Variants in CNTNAP2 observed in about 807,000 individuals in gnomAD.
CNTNAP2 encodes the protein contactin-associated protein-like 2.
A neutral mutation model predicts 155.2 loss-of-function variants in CNTNAP2; 98 were observed. The observed-to-expected ratio is 0.63, with a 90% confidence interval of 0.54 to 0.75. CNTNAP2 has a LOEUF of 0.75. Ranked by LOEUF, CNTNAP2 falls within the 30% of genes least tolerant of loss-of-function variation. CNTNAP2 has a pLI of 0.00. For missense variants in CNTNAP2, 1,727 were observed against 1,688.1 expected, an observed-to-expected ratio of 1.02 and a Z score of -0.40; for synonymous variants, 651 against 631.2, an observed-to-expected ratio of 1.03 and a Z score of -0.47.
intron 13 of CNTNAP2, among the ~76,000 whole-genome samples, chr7:147,662,878 A>G (rs546183627): frequency 6.6e-6 from 1 of 152,230 alleles, no homozygotes; most frequent in South Asian, 2.1e-4. Context: ...TATAACTCCA[A>G]TTTTTTTATT....
At chr7:148,336,374 AAT>A (rs1318339582) in intron 21 of CNTNAP2, among the ~76,000 whole-genome samples, 3 of 152,166 alleles carry the variant, frequency 2.0e-5, no homozygotes, top group African/African-American at 7.2e-5. Flanking sequence ...GAAGGCTGAA[AAT>A]ATATAGCAGT....
intron 5 of CNTNAP2, among the ~76,000 whole-genome samples, chr7:147,114,809 A>G (rs898260677): frequency 1.7e-4 from 26 of 152,090 alleles, no homozygotes; most frequent in African/African-American, 5.3e-4. Flanking sequence ...ACCCATTTAC[A>G]TTTAAGGTTA....
At chr7:148,226,398 A>G (rs1370614294) in intron 19 of CNTNAP2, among the ~76,000 whole-genome samples, 1 of 152,034 alleles carries the variant, frequency 6.6e-6, no homozygotes, top group Non-Finnish European at 1.5e-5. Flanking sequence ...TCAGACAACC[A>G]TCAGGTGATG....
intron 1 of CNTNAP2, among the ~76,000 whole-genome samples, chr7:146,579,879 C>T (rs1252339328): frequency 6.6e-6 from 1 of 151,974 alleles, no homozygotes; most frequent in Non-Finnish European, 1.5e-5. Context: ...CAGAGAATAA[C>T]CCCTTTCACT....
chr7:146,169,700 T>C (rs1798361730), intron 1 of CNTNAP2, among the ~76,000 whole-genome samples: 1 of 151,790 alleles, frequency 6.6e-6, no homozygotes, highest in Non-Finnish European at 1.5e-5. Flanking sequence ...ATTTCACGTA[T>C]CAGTGAAATC....
intron 10 of CNTNAP2, among the ~76,000 whole-genome samples, chr7:147,461,895 A>T (rs1212261662): frequency 6.6e-6 from 1 of 152,258 alleles, no homozygotes; most frequent in East Asian, 1.9e-4. Context: ...GAGTTAACTT[A>T]TAAGAATGTG....
At chr7:147,555,006 G>A (rs796178926) in intron 11 of CNTNAP2, among the ~76,000 whole-genome samples, 8 of 152,242 alleles carry the variant, frequency 5.3e-5, no homozygotes, top group African/African-American at 1.7e-4. Context: ...GGTCATTGCC[G>A]CCTCTCTGGA....
At chr7:146,338,625 G>A (rs1171845205) in intron 1 of CNTNAP2, among the ~76,000 whole-genome samples, 1 of 152,008 alleles carries the variant, frequency 6.6e-6, no homozygotes, top group African/African-American at 2.4e-5. Context: ...ACCCACTCAT[G>A]GCTCAACATT....
At chr7:146,893,209 A>G (rs1414093930) in intron 3 of CNTNAP2, among the ~76,000 whole-genome samples, 2 of 151,922 alleles carry the variant, frequency 1.3e-5, no homozygotes, top group Non-Finnish European at 2.9e-5. Flanking sequence ...GAGCTATTTC[A>G]TTTTTTCCTA....
At chr7:146,432,983 G>C (rs988622968) in intron 1 of CNTNAP2, among the ~76,000 whole-genome samples, 3 of 152,122 alleles carry the variant, frequency 2.0e-5, no homozygotes, top group African/African-American at 7.2e-5. Context: ...AGAGACTCGA[G>C]CTAATGAAAA....
intron 20 of CNTNAP2, among the ~76,000 whole-genome samples, chr7:148,261,789 T>A (rs4640984): frequency 0.76 from 115,571 of 151,950 alleles, 44,057 homozygotes; most frequent in South Asian, 0.88. Context: ...TCACAGAGGG[T>A]TCTCTTAAAA....
intron 1 of CNTNAP2, among the ~76,000 whole-genome samples, chr7:146,585,798 A>G (rs1456992531): frequency 1.3e-5 from 2 of 150,116 alleles, no homozygotes; most frequent in Non-Finnish European, 3.0e-5. Context: ...GGAGGGAAGG[A>G]AGGAAGGAGG....
At chr7:148,363,723 G>C (rs1798670648) in intron 21 of CNTNAP2, among the ~76,000 whole-genome samples, 1 of 152,224 alleles carries the variant, frequency 6.6e-6, no homozygotes, top group Non-Finnish European at 1.5e-5. Flanking sequence ...GGTGGCATTT[G>C]AGGAGCCCTT....
intron 1 of CNTNAP2, among the ~76,000 whole-genome samples, chr7:146,463,374 C>G (rs1418707461): frequency 6.6e-6 from 1 of 152,170 alleles, no homozygotes; most frequent in South Asian, 2.1e-4. Context: ...CTGCTACCCC[C>G]ATTAGTTCCA....
chr7:147,286,673 T>A (rs918571251), intron 8 of CNTNAP2, among the ~76,000 whole-genome samples: 26 of 151,970 alleles, frequency 1.7e-4, no homozygotes, highest in African/African-American at 6.3e-4. Flanking sequence ...ATGAATGAGT[T>A]TTTCTTGGAT....
At chr7:147,688,328 G>GA (rs1280813146) in intron 13 of CNTNAP2, among the ~76,000 whole-genome samples, 3 of 152,036 alleles carry the variant, frequency 2.0e-5, no homozygotes, top group South Asian at 4.1e-4. Context: ...AGCAAAAATA[G>GA]AAAAAACACA....
chr7:147,928,184 G>C (rs1800433103), intron 14 of CNTNAP2, among the ~76,000 whole-genome samples: 1 of 152,068 alleles, frequency 6.6e-6, no homozygotes, highest in Non-Finnish European at 1.5e-5. Context: ...CTAGCCATGT[G>C]AAACTGTGAA....
At position 148,383,444 on chromosome 7, in the gene CNTNAP2, G is replaced by A. The variant is rs1403222011; in HGVS notation, c.3476-205G>A. ...CATATAGTCTTATTTTCACCCTACC[G>A]TATTTTCTGTTAACACAAGGTTCCT... On this transcript the variant is annotated intron_variant, in intron 21 of 23. Transcript: ENST00000361727. Among the ~76,000 whole-genome samples the A allele has an allele frequency of 9.9e-5, 15 of 152,104 alleles. 1 individual carries two copies. Among genetic ancestry groups the A allele is most frequent in the South Asian group, 4.1e-4 (2 of 4,830 alleles).
At chr7:147,033,177 T>A (rs1406013717) in intron 3 of CNTNAP2, among the ~76,000 whole-genome samples, 1 of 49,962 alleles carries the variant, frequency 2.0e-5, no homozygotes, top group Non-Finnish European at 4.4e-5. Flanking sequence ...TATATATATA[T>A]ATATATATAT....
Sources: gnomAD v4.1 joint callset for allele counts (sites outside exome capture counted in the v4.1 genomes callset) on GRCh38, gnomAD v4.1.1 for gene constraint, MANE v1.5 for transcripts, NCBI Gene and HGNC (gene_info 2026-07-23, HGNC 2026-07-21) for gene names.